RABGAP1L: variants seen among roughly 807,000 people sequenced by gnomAD.
The protein encoded by RABGAP1L is rab GTPase-activating protein 1-like.
A neutral mutation model predicts 137.7 loss-of-function variants in RABGAP1L; 63 were observed. The ratio of observed to expected loss-of-function variants is 0.46; its 90% CI spans 0.37 to 0.56. The LOEUF (loss-of-function observed/expected upper bound fraction) is 0.56, where lower values mean the gene tolerates loss of function less well. RABGAP1L is among the 20% of genes least tolerant of loss of function. The pLI is 0.00. For missense variants in RABGAP1L, 1,095 were observed against 1,244.0 expected (o/e 0.88, Z 1.80); for synonymous variants, 431 against 433.7 (o/e 0.99, Z 0.08).
At chr1:174,814,452 C>G (rs1690176543) in intron 19 of RABGAP1L, among the ~76,000 whole-genome samples, 1 of 151,988 alleles carries the variant, frequency 6.6e-6, no homozygotes, top group South Asian at 2.1e-4. Context: ...GATTGTGAGG[C>G]AGATGTGAGG....
chr1:174,637,430 A>G lies in RABGAP1L; in HGVS notation c.1766A>G (p.His589Arg). Residue 589 changes from histidine (H) to arginine (R), a missense_variant, in exon 14 of 26, where the codon CAT becomes CGT. Transcript: ENST00000681986. ...TRDIHRTFPA[H>R]DYFKDTGGDG... Reference sequence around the variant, plus strand: ...GATATTCATCGTACATTTCCCGCACATGATTACTTTAAAGATACTGGAGGA... The same window carrying G: ...GATATTCATCGTACATTTCCCGCACGTGATTACTTTAAAGATACTGGAGGA... The G allele has an allele frequency of 1.2e-6, 2 of 1,613,528 alleles. No homozygotes were observed. The highest frequency in any genetic ancestry group is 1.3e-5 in the African/African-American group (1 of 75,010).
At chr1:174,240,048 A>G (rs1200950012) in intron 4 of RABGAP1L, among the ~76,000 whole-genome samples, 1 of 152,228 alleles carries the variant, frequency 6.6e-6, no homozygotes, top group East Asian at 1.9e-4. Flanking sequence ...AATTGTTTTC[A>G]AAGTGTCTTC....
chr1:174,166,988 A>G (rs1208056228), intron 1 of RABGAP1L, among the ~76,000 whole-genome samples: 1 of 152,186 alleles, frequency 6.6e-6, no homozygotes, highest in East Asian at 1.9e-4. Context: ...AATAAATATG[A>G]ATTGTGTCAT....
chr1:174,357,995 A>G (rs1471718154), intron 11 of RABGAP1L, among the ~76,000 whole-genome samples: 1 of 152,266 alleles, frequency 6.6e-6, no homozygotes, highest in Admixed American at 6.5e-5. Flanking sequence ...AGATACAGAC[A>G]ACTGAAGCAC....
At chr1:174,258,673 T>C (rs1371330575) in intron 7 of RABGAP1L, among the ~76,000 whole-genome samples, 1 of 152,192 alleles carries the variant, frequency 6.6e-6, no homozygotes, top group East Asian at 1.9e-4. Flanking sequence ...AGAAAATCCT[T>C]CAAATTACAT....
At chr1:174,865,753 G>C (rs1413592631) in intron 19 of RABGAP1L, among the ~76,000 whole-genome samples, 1 of 152,082 alleles carries the variant, frequency 6.6e-6, no homozygotes, top group Admixed American at 6.5e-5. Flanking sequence ...GGGCAACATA[G>C]CAAGAACCTG....
intron 19 of RABGAP1L, among the ~76,000 whole-genome samples, chr1:174,954,524 T>C (rs1372568946): frequency 6.6e-6 from 1 of 152,104 alleles, no homozygotes; most frequent in African/African-American, 2.4e-5. Context: ...TTCTCTTACA[T>C]GTAAAAAAAA....
intron 1 of RABGAP1L, among the ~76,000 whole-genome samples, chr1:174,188,377 T>G (rs1666966059): frequency 6.6e-6 from 1 of 152,224 alleles, no homozygotes; most frequent in African/African-American, 2.4e-5. Context: ...AGCTGGTATG[T>G]TTCTTATACT....
chr1:174,803,542 C>G (rs1306898184), intron 18 of RABGAP1L, among the ~76,000 whole-genome samples: 1 of 151,422 alleles, frequency 6.6e-6, no homozygotes, highest in Non-Finnish European at 1.5e-5. Context: ...CTGTTAGATA[C>G]CATAACTAAA....
intron 19 of RABGAP1L, among the ~76,000 whole-genome samples, chr1:174,852,313 A>G (rs750327196): frequency 2.0e-5 from 3 of 152,200 alleles, no homozygotes; most frequent in Non-Finnish European, 4.4e-5. Flanking sequence ...GCAAGTCAGC[A>G]TCAGGAGTCC....
intron 13 of RABGAP1L, among the ~76,000 whole-genome samples, chr1:174,598,799 T>A (rs1285874474): frequency 6.6e-6 from 1 of 152,184 alleles, no homozygotes; most frequent in African/African-American, 2.4e-5. Context: ...TCTTTATTGA[T>A]GAAATATTTC....
At chr1:174,720,693 G>C (rs61828064) in intron 17 of RABGAP1L, among the ~76,000 whole-genome samples, 13,620 of 152,086 alleles carry the variant, frequency 0.09, 830 homozygotes, top group East Asian at 0.22. Context: ...AAAGAATGAA[G>C]TTGTACCCCT....
intron 11 of RABGAP1L, among the ~76,000 whole-genome samples, chr1:174,354,399 GAAT>G (rs1683443512): frequency 6.6e-6 from 1 of 151,724 alleles, no homozygotes; most frequent in African/African-American, 2.4e-5. Context: ...GCTGTTCTTT[GAAT>G]AATATGTTTA....
intron 19 of RABGAP1L, among the ~76,000 whole-genome samples, chr1:174,927,156 A>T (rs1662981945): frequency 5.3e-5 from 8 of 151,776 alleles, no homozygotes; most frequent in Admixed American, 5.3e-4. Context: ...TTAAGATTTC[A>T]CTGTTAAAGA....
intron 17 of RABGAP1L, among the ~76,000 whole-genome samples, chr1:174,710,364 A>G (rs1024059536): frequency 6.6e-6 from 1 of 152,150 alleles, no homozygotes; most frequent in South Asian, 2.1e-4. Context: ...CAACCACAAG[A>G]CAGATAATCA....
chr1:174,745,943 G>A (rs565181340), intron 17 of RABGAP1L, among the ~76,000 whole-genome samples: 1 of 152,296 alleles, frequency 6.6e-6, no homozygotes, highest in African/African-American at 2.4e-5. Flanking sequence ...TTGACTTGTT[G>A]TTAGGATTTC....
chr1:174,979,497 C>T (rs766622165), intron 23 of RABGAP1L, among the ~76,000 whole-genome samples: 3 of 152,180 alleles, frequency 2.0e-5, no homozygotes, highest in African/African-American at 7.2e-5. Flanking sequence ...TAGTCAGAAG[C>T]TAATTTCCAG....
intron 13 of RABGAP1L, among the ~76,000 whole-genome samples, chr1:174,502,240 C>T (rs943566787): frequency 4.6e-5 from 7 of 151,548 alleles, no homozygotes; most frequent in Admixed American, 4.6e-4. Flanking sequence ...AGAATATTAG[C>T]AACCAAATTT....
At position 174,683,538 on chromosome 1, in the gene RABGAP1L, A is replaced by T. The variant is rs1309193172; in HGVS notation, c.1841A>T (p.Asp614Val). Reference sequence around the variant, plus strand: ...TTTCTCTAGGCCTACTCTGTGTATGATGAAGACATTGGGTACTGTCAAGGG... The same window carrying T: ...TTTCTCTAGGCCTACTCTGTGTATGTTGAAGACATTGGGTACTGTCAAGGG... ...YKICKAYSVY[D>V]EDIGYCQGQS... Residue 614 changes from aspartate to valine, a missense_variant, in exon 15 of 26, where the codon GAT becomes GTT. Physicochemically the swap from Asp to Val is radical, Grantham distance 152 (BLOSUM62 -3). Around this residue, in one of 4 missense-constraint regions of RABGAP1L, gnomAD observed 315 missense variants for 324.8 expected, o/e 0.97. Transcript: ENST00000681986. 6.2e-7 allele frequency: 1 copy of T among 1,603,612 alleles called. No individual in the cohort carries two copies.
Sources: gnomAD v4.1 joint callset for allele counts (sites outside exome capture counted in the v4.1 genomes callset) on GRCh38, gnomAD v4.1.1 for gene constraint, gnomAD v4.1.1 regional missense constraint, MANE v1.5 for transcripts, NCBI Gene and HGNC (gene_info 2026-07-23, HGNC 2026-07-21) for gene names.